Variants in ERC2 observed in about 807,000 individuals in gnomAD.
The protein encoded by ERC2 is ELKS/RAB6-interacting/CAST family member 2.
Under a neutral mutation model 114.8 loss-of-function variants are expected in ERC2, and 42 were observed. The observed-to-expected ratio is 0.37, with a 90% CI of 0.29 to 0.47. The LOEUF (loss-of-function observed/expected upper bound fraction) is 0.47. Ranked by LOEUF, ERC2 falls within the 20% of genes least tolerant of loss-of-function variation. The probability of loss-of-function intolerance (pLI) is 0.99; values close to 1 mark genes in which losing one functional copy is unlikely to be tolerated. For missense variants in ERC2, 939 were observed against 1,150.7 expected, an observed-to-expected ratio of 0.82 and a Z score of 2.66; for synonymous variants, 454 against 425.5, an observed-to-expected ratio of 1.07 and a Z score of -0.82.
At chr3:55,574,675 A>T (rs2056884599) in intron 17 of ERC2, among the ~76,000 whole-genome samples, 1 of 152,142 alleles carries the variant, frequency 6.6e-6, no homozygotes, top group Non-Finnish European at 1.5e-5. Context: ...GGATTTAAGA[A>T]GTTTGCAGGG....
chr3:55,944,727 G>T (rs2067019466), intron 13 of ERC2, among the ~76,000 whole-genome samples: 1 of 152,198 alleles, frequency 6.6e-6, no homozygotes, highest in South Asian at 2.1e-4. Context: ...TGTCAAATAA[G>T]ATTTTCTGAG....
intron 17 of ERC2, among the ~76,000 whole-genome samples, chr3:55,546,371 C>G (rs1418371581): frequency 6.6e-6 from 1 of 152,172 alleles, no homozygotes; most frequent in Admixed American, 6.5e-5. Flanking sequence ...CCTTGAGCAC[C>G]CTATTAACCC....
intron 3 of ERC2, among the ~76,000 whole-genome samples, chr3:56,266,674 C>A (rs1385002349): frequency 1.3e-5 from 2 of 152,086 alleles, no homozygotes; most frequent in Non-Finnish European, 2.9e-5. Context: ...GGTATAAGGA[C>A]CACTTGAGCC....
intron 3 of ERC2, among the ~76,000 whole-genome samples, chr3:56,242,902 T>A (rs2051420496): frequency 6.6e-6 from 1 of 152,174 alleles, no homozygotes; most frequent in African/African-American, 2.4e-5. Context: ...AAAAGTAGGA[T>A]ATCTCTAAAT....
intron 1 of ERC2, among the ~76,000 whole-genome samples, chr3:56,446,611 C>CTTTTTTTTTTTTTTT (rs71099636): frequency 8.3e-6 from 1 of 120,238 alleles, no homozygotes; most frequent in Non-Finnish European, 1.7e-5. Flanking sequence ...GCATTTTCTT[C>CTTTTTTTTTTTTTTT]TTTTTTTTTT....
chr3:55,831,692 G>A (rs773627495), intron 14 of ERC2, among the ~76,000 whole-genome samples: 7 of 152,122 alleles, frequency 4.6e-5, no homozygotes, highest in Non-Finnish European at 8.8e-5. Context: ...ACAGAAGATG[G>A]GTGATTTCTG....
In ERC2 at chr3:56,438,910, T is replaced by A. The variant is rs573252785; in HGVS notation, c.-140-3763A>T. On this transcript the variant is annotated intron_variant, in intron 1 of 17. Transcript: ENST00000288221. The stretch of plus-strand genomic sequence containing the variant: ...TTCCCTTTGGAAACACACACACATA[T>A]AACATACAACATGAAAAGATGTATT... Among the ~76,000 whole-genome samples the A allele has an allele frequency of 1.1e-4, 17 of 152,340 alleles. No individual in the cohort carries two copies. The East Asian group carries it at 1.9e-3, about 17-fold the overall frequency.
chr3:55,559,259 C>CTCCTTCCAAGAAA (rs2055839791), intron 17 of ERC2, among the ~76,000 whole-genome samples: 1 of 152,210 alleles, frequency 6.6e-6, no homozygotes, highest in East Asian at 1.9e-4. Flanking sequence ...AGCAATGGTT[C>CTCCTTCCAAGAAA]TCCAACTCAG....
At chr3:55,902,210 A>G (rs1376609182) in intron 13 of ERC2, among the ~76,000 whole-genome samples, 2 of 152,206 alleles carry the variant, frequency 1.3e-5, no homozygotes, top group African/African-American at 4.8e-5. Flanking sequence ...GTGGGAGGAA[A>G]GCAAAAACCA....
chr3:56,200,914 C>T (rs1405087281), intron 3 of ERC2, among the ~76,000 whole-genome samples: 1 of 152,174 alleles, frequency 6.6e-6, no homozygotes, highest in Non-Finnish European at 1.5e-5. Context: ...GGTTGTTAAA[C>T]GTTTACCAGC....
intron 17 of ERC2, among the ~76,000 whole-genome samples, chr3:55,561,765 G>A (rs1156266002): frequency 6.6e-6 from 1 of 152,086 alleles, no homozygotes; most frequent in Non-Finnish European, 1.5e-5. Flanking sequence ...CTCAGTCCAT[G>A]ACCCATCTGA....
chr3:55,937,484 A>G (rs760247679), intron 13 of ERC2, among the ~76,000 whole-genome samples: 2 of 152,238 alleles, frequency 1.3e-5, no homozygotes, highest in Non-Finnish European at 2.9e-5. Flanking sequence ...GACTCCAGCT[A>G]CTTGGTCACA....
chr3:56,227,393 G>A (rs565413026), intron 3 of ERC2, among the ~76,000 whole-genome samples: 18 of 150,654 alleles, frequency 1.2e-4, no homozygotes, highest in East Asian at 3.9e-4. Flanking sequence ...CTTTCAGTTC[G>A]GCTAAAATCC....
Position 55,921,318 on chromosome 3 carries a change from T to C in ERC2, c.2403+29107A>G, listed in dbSNP as rs190459069. ...CTTATAAACACTATCATCCTTATTA[T>C]GGTGTTGGTGTTTGGGGAAGAGGGG... On this transcript the variant is annotated intron_variant, in intron 13 of 17. Transcript: ENST00000288221. Among the ~76,000 whole-genome samples, 6 of 152,176 alleles carry C rather than the reference T, an allele frequency of 3.9e-5. No individual in the cohort carries two copies. The East Asian group carries it at 9.7e-4, about 25-fold the overall frequency.
At chr3:55,835,598 T>C (rs1384561629) in intron 14 of ERC2, among the ~76,000 whole-genome samples, 2 of 152,224 alleles carry the variant, frequency 1.3e-5, no homozygotes, top group Non-Finnish European at 2.9e-5. Context: ...TGGTGGGATG[T>C]ATCTCAAAAT....
intron 14 of ERC2, among the ~76,000 whole-genome samples, chr3:55,817,845 TCATTATCAC>T (rs2059964510): frequency 6.6e-6 from 1 of 152,230 alleles, no homozygotes; most frequent in African/African-American, 2.4e-5. Flanking sequence ...AATGTTAGTC[TCATTATCAC>T]CATTATCATC....
At chr3:55,776,677 G>A (rs1440530859) in intron 14 of ERC2, among the ~76,000 whole-genome samples, 1 of 152,182 alleles carries the variant, frequency 6.6e-6, no homozygotes, top group Non-Finnish European at 1.5e-5. Context: ...GAACATCCTG[G>A]AGATTGGGAG....
chr3:55,820,888 T>G (rs2060096358), intron 14 of ERC2, among the ~76,000 whole-genome samples: 1 of 152,152 alleles, frequency 6.6e-6, no homozygotes, highest in Non-Finnish European at 1.5e-5. Context: ...CTGGCATAAG[T>G]GTAACGGAGA....
intron 8 of ERC2, among the ~76,000 whole-genome samples, chr3:56,017,699 C>T (rs1258468193): frequency 2.0e-5 from 3 of 152,128 alleles, no homozygotes; most frequent in Non-Finnish European, 2.9e-5. Flanking sequence ...CCCCTCCCTG[C>T]CTTCTCTTCT....
Sources: gnomAD v4.1 joint callset for allele counts (sites outside exome capture counted in the v4.1 genomes callset) on GRCh38, gnomAD v4.1.1 for gene constraint, MANE v1.5 for transcripts, NCBI Gene and HGNC (gene_info 2026-07-23, HGNC 2026-07-21) for gene names.